Variants in TRMT9B observed in about 807,000 individuals in gnomAD.
TRMT9B encodes the protein tRNA methyltransferase 9B (putative).
Under a neutral mutation model 11.5 loss-of-function variants are expected in TRMT9B, and 16 were observed. The observed-to-expected ratio is 1.39, with a 90% CI of 0.94 to 2.11. The LOEUF is 2.11. TRMT9B is among the 30% of genes most tolerant of loss of function. The pLI is 0.00. For missense variants in TRMT9B, 941 were observed against 553.8 expected (o/e 1.70, Z -7.02); for synonymous variants, 274 against 192.4 (o/e 1.42, Z -3.51).
intron 1 of TRMT9B, among the ~76,000 whole-genome samples, chr8:12,975,558 G>A (rs556968208): frequency 4.8e-4 from 73 of 152,072 alleles, no homozygotes; most frequent in Admixed American, 1.0e-3. Flanking sequence ...CCAACATGGC[G>A]AAACCGAGTC....
intron 1 of TRMT9B, chr8:12,962,339 T>C (rs1047107224): frequency 6.6e-6 from 1 of 152,258 alleles, no homozygotes; most frequent in Non-Finnish European, 1.5e-5. Context: ...TTAACGATTT[T>C]TGTCAGCCAA....
intron 3 of TRMT9B, chr8:13,011,752 A>G: frequency 1.0e-6 from 1 of 968,090 alleles, no homozygotes; most frequent in Non-Finnish European, 1.2e-6. Flanking sequence ...CTATTTAAGA[A>G]AAAAAGTAGT....
At chr8:12,988,221 C>G (rs1169551455) in intron 1 of TRMT9B, among the ~76,000 whole-genome samples, 1 of 152,154 alleles carries the variant, frequency 6.6e-6, no homozygotes, top group Non-Finnish European at 1.5e-5. Flanking sequence ...CTTCACTCCC[C>G]CTTCCCACTC....
At chr8:13,017,607 T>A (rs1458913911) in intron 4 of TRMT9B, among the ~76,000 whole-genome samples, 1 of 135,722 alleles carries the variant, frequency 7.4e-6, no homozygotes, top group Non-Finnish European at 1.5e-5. Flanking sequence ...AAGTAATCAT[T>A]TGTAGGCTTT....
At chr8:13,008,245 T>C (rs1585339282) in intron 3 of TRMT9B, among the ~76,000 whole-genome samples, 1 of 152,386 alleles carries the variant, frequency 6.6e-6, no homozygotes, top group South Asian at 2.1e-4. Context: ...ACATATATTT[T>C]GTCCATCAGA....
intron 1 of TRMT9B, among the ~76,000 whole-genome samples, chr8:12,964,764 G>GTTTGT (rs1802594199): frequency 6.7e-6 from 1 of 149,858 alleles, no homozygotes. Flanking sequence ...TTGTTTGTTT[G>GTTTGT]TTTTGTTTGT....
In TRMT9B at chr8:13,026,042, CAGA is replaced by C. The variant is rs1814648359; in HGVS notation, c.*4001_*4003del. The C allele has an allele frequency of 1.2e-5, 2 of 166,808 alleles. No homozygotes were observed. 10.3% of individuals were successfully genotyped at this position (166,808 alleles called of 1,614,324 possible). A position where few individuals can be genotyped will look rare whatever the true frequency, so the allele number is the denominator to read the frequency against. ...ACATATATACGAGTTTGGAGGAGAA[CAGA>C]AGTTCTAACTCAGTACTTGAACTTG... On this transcript the variant is annotated 3_prime_UTR_variant, in exon 5 of 5. Transcript: ENST00000524591.
At chr8:13,002,897 C>G (rs748147344) in intron 2 of TRMT9B, among the ~76,000 whole-genome samples, 23 of 152,176 alleles carry the variant, frequency 1.5e-4, no homozygotes, top group Non-Finnish European at 8.8e-5. Flanking sequence ...TCCAGTTACA[C>G]TCCCATCTGC....
chr8:13,019,369 G>T (rs1003444811), intron 4 of TRMT9B, among the ~76,000 whole-genome samples: 1 of 152,202 alleles, frequency 6.6e-6, no homozygotes, highest in Admixed American at 6.6e-5. Flanking sequence ...ATGGCCCACT[G>T]CAAACTCGAC....
At chr8:12,961,271 G>A (rs1802064219) in intron 1 of TRMT9B, among the ~76,000 whole-genome samples, 1 of 152,138 alleles carries the variant, frequency 6.6e-6, no homozygotes, top group Non-Finnish European at 1.5e-5. Context: ...ACGAATGTTA[G>A]TTAATAATAA....
At chr8:12,989,160 G>A (rs1028326019) in intron 1 of TRMT9B, among the ~76,000 whole-genome samples, 1 of 152,090 alleles carries the variant, frequency 6.6e-6, no homozygotes, top group Admixed American at 6.6e-5. Context: ...ATACACGCAT[G>A]GCTTATTTCA....
At position 12,955,088 on chromosome 8, in the gene TRMT9B, T is replaced by A. The variant is rs545884372; in HGVS notation, c.-200+9122T>A. On this transcript the variant is annotated intron_variant, in intron 1 of 4. Transcript: ENST00000524591. ...TCATCTCCTGGAGGCTGCAGAGAGG[T>A]TGCTGCCTAATAGACTCTAGAACTG... Among the ~76,000 whole-genome samples, 6 of 152,206 alleles carry A rather than the reference T, an allele frequency of 3.9e-5. 2 individuals carry two copies. The highest frequency in any genetic ancestry group is 1.4e-4 in the African/African-American group (6 of 41,532).
chr8:12,991,843 A>C (rs1040020224), intron 2 of TRMT9B, among the ~76,000 whole-genome samples: 1 of 152,090 alleles, frequency 6.6e-6, no homozygotes, highest in Middle Eastern at 3.2e-3. Context: ...GGTTAGGAGA[A>C]TTGCTTGAAC....
At chr8:12,952,262 T>C (rs1175678680) in intron 1 of TRMT9B, 1 of 414,438 alleles carries the variant, frequency 2.4e-6, no homozygotes, top group South Asian at 1.6e-5. Context: ...TGTTGCGCCC[T>C]AGATCCGCTG....
chr8:12,965,713 G>T (rs572395123), intron 1 of TRMT9B, among the ~76,000 whole-genome samples: 1 of 151,932 alleles, frequency 6.6e-6, no homozygotes, highest in African/African-American at 2.4e-5. Context: ...AGTGGCAGCC[G>T]ACAGCAAGGT....
intron 1 of TRMT9B, among the ~76,000 whole-genome samples, chr8:12,988,431 C>T (rs1435410711): frequency 6.6e-6 from 1 of 152,174 alleles, no homozygotes; most frequent in African/African-American, 2.4e-5. Context: ...AGTCCATTCT[C>T]AGGCTACTAA....
At chr8:13,005,436 G>A (rs574094621) in intron 2 of TRMT9B, among the ~76,000 whole-genome samples, 6 of 152,154 alleles carry the variant, frequency 3.9e-5, no homozygotes, top group South Asian at 4.2e-4. Context: ...AGAGTATATT[G>A]GATTGTTTGT....
At chr8:13,014,789 G>A (rs1212559316) in intron 4 of TRMT9B, among the ~76,000 whole-genome samples, 12 of 152,140 alleles carry the variant, frequency 7.9e-5, no homozygotes, top group African/African-American at 2.2e-4. Context: ...TGGGCCGGGC[G>A]CGGTGACTCA....
Position 13,021,231 on chromosome 8 carries a change from A to G in TRMT9B, c.552A>G (p.Pro184=). The stretch of plus-strand genomic sequence containing the variant: ...GGAGGAAGAGGCAGTGTGGATACCC[A>G]GAAAGAGGCCATCCCTACCATCCTC... ...QSGRKRQCGY[P]ERGHPYHPPC... is the part of the protein sequence containing the mutation. Residue 184 remains proline (P), a synonymous_variant, in exon 5 of 5, where the codon CCA becomes CCG. Coordinates refer to ENST00000524591, the MANE Select transcript of TRMT9B (RefSeq NM_020844.3). 6.2e-7 allele frequency: 1 copy of G among 1,613,920 alleles called. No homozygotes were observed. Among genetic ancestry groups the G allele is most frequent in the Non-Finnish European group, 8.5e-7 (1 of 1,179,834 alleles).
Sources: gnomAD v4.1 joint callset for allele counts (sites outside exome capture counted in the v4.1 genomes callset) on GRCh38, gnomAD v4.1.1 for gene constraint, MANE v1.5 for transcripts, NCBI Gene and HGNC (gene_info 2026-07-23, HGNC 2026-07-21) for gene names.